Variants in KALRN observed in about 807,000 individuals in gnomAD.
The protein encoded by KALRN is kalirin RhoGEF kinase, also known as kalirin.
A neutral mutation model predicts 353.7 loss-of-function variants in KALRN; 70 were observed. The observed-to-expected ratio is 0.20, with a 90% confidence interval of 0.16 to 0.24. The LOEUF (loss-of-function observed/expected upper bound fraction) is 0.24, where lower values mean the gene tolerates loss of function less well. KALRN is among the 10% of genes least tolerant of loss of function. KALRN has a pLI of 1.00. For missense variants in KALRN, 2,791 were observed against 3,756.7 expected, an observed-to-expected ratio of 0.74 and a Z score of 6.72; for synonymous variants, 1,391 against 1,434.8, an observed-to-expected ratio of 0.97 and a Z score of 0.69.
At chr3:124,325,297 T>C (rs2079774242) in intron 6 of KALRN, among the ~76,000 whole-genome samples, 1 of 152,202 alleles carries the variant, frequency 6.6e-6, no homozygotes, top group African/African-American at 2.4e-5. Context: ...GGGGAAATCT[T>C]CCTAAATCAA....
At chr3:124,191,715 A>G (rs2074938648) in intron 1 of KALRN, among the ~76,000 whole-genome samples, 3 of 152,142 alleles carry the variant, frequency 2.0e-5, no homozygotes, top group South Asian at 4.1e-4. Context: ...TCCTCACAGC[A>G]TGGTAGTCTC....
intron 33 of KALRN, chr3:124,504,903 A>T: frequency 3.9e-6 from 2 of 507,060 alleles, no homozygotes; most frequent in Non-Finnish European, 8.1e-6. Flanking sequence ...GCAAGCCAAG[A>T]TGTTAAAGTG....
At chr3:124,296,307 G>A (rs2076841344) in intron 5 of KALRN, among the ~76,000 whole-genome samples, 1 of 152,106 alleles carries the variant, frequency 6.6e-6, no homozygotes, top group African/African-American at 2.4e-5. Context: ...TCTTTAGGCA[G>A]CATCTGTGGT....
intron 5 of KALRN, among the ~76,000 whole-genome samples, chr3:124,287,279 T>G (rs1408577806): frequency 6.6e-6 from 1 of 152,182 alleles, no homozygotes; most frequent in Non-Finnish European, 1.5e-5. Context: ...TGCTAGACTT[T>G]CTGGAGTCTT....
At position 124,634,086 on chromosome 3, in the gene KALRN, A is replaced by G. The variant is rs2081089107; in HGVS notation, c.5568+133A>G. 4.4e-6 allele frequency: 3 copies of G among 678,450 alleles called. No individual in the cohort carries two copies. The Admixed American group carries it at 7.5e-5, about 17-fold the overall frequency. The allele number at this position is 678,450 out of a possible 1,614,324, so 42.0% of individuals were successfully genotyped here. On this transcript the variant is annotated intron_variant, in intron 36 of 59. Transcript: ENST00000682506. The stretch of plus-strand genomic sequence containing the variant: ...TCCACATGAATCCATGTTGATACCA[A>G]TTGTGTCTCTATTTGGTAGGTGTCC...
chr3:124,665,320 C>T (rs1051750879), intron 45 of KALRN, among the ~76,000 whole-genome samples: 5 of 152,194 alleles, frequency 3.3e-5, no homozygotes, highest in African/African-American at 1.2e-4. Context: ...GGGCCATATT[C>T]CCTTTGAAGC....
chr3:124,080,475 T>C (rs905709135), intron 1 of KALRN, among the ~76,000 whole-genome samples: 1 of 152,206 alleles, frequency 6.6e-6, no homozygotes, highest in Non-Finnish European at 1.5e-5. Context: ...TAGATAGATA[T>C]CATCAGAAAT....
intron 5 of KALRN, among the ~76,000 whole-genome samples, chr3:124,280,538 TG>T (rs2075245024): frequency 6.6e-6 from 1 of 152,224 alleles, no homozygotes; most frequent in Non-Finnish European, 1.5e-5. Context: ...GCAGCTTTCC[TG>T]GGACCAGTTT....
chr3:124,177,877 C>T (rs1039682168), intron 1 of KALRN, among the ~76,000 whole-genome samples: 1 of 152,126 alleles, frequency 6.6e-6, no homozygotes. Context: ...GGAAATCAGC[C>T]CCAATCTAAT....
rs1480805634 is a variant in KALRN, at chr3:124,650,946, G to A, written c.5795+8G>A. ...GGCCCTGAGAGGCAGGATGTAAGTG[G>A]CTTCCCCAGTTCCTCCCTGTGGTGC... On this transcript the variant is annotated splice_region_variant and intron_variant, in intron 38 of 59. Coordinates refer to ENST00000682506, the MANE Select transcript of KALRN (RefSeq NM_001388419.1). 6.2e-7 allele frequency: 1 copy of A among 1,613,862 alleles called. No individual in the cohort carries two copies. Among genetic ancestry groups the A allele is most frequent in the Admixed American group, 1.7e-5 (1 of 60,014 alleles).
At chr3:124,351,857 G>A (rs1168674359) in intron 10 of KALRN, among the ~76,000 whole-genome samples, 2 of 152,110 alleles carry the variant, frequency 1.3e-5, no homozygotes, top group African/African-American at 4.8e-5. Flanking sequence ...AAATATTTGA[G>A]TCCTCAGTTC....
chr3:124,588,972 A>C (rs1199785655), intron 34 of KALRN, among the ~76,000 whole-genome samples: 1 of 152,162 alleles, frequency 6.6e-6, no homozygotes, highest in East Asian at 1.9e-4. Context: ...GACTTACCCA[A>C]ACTGAATCAC....
intron 21 of KALRN, among the ~76,000 whole-genome samples, chr3:124,451,518 T>C (rs772553020): frequency 5.3e-5 from 8 of 152,186 alleles, no homozygotes; most frequent in South Asian, 2.1e-4. Context: ...GAACTTTTCA[T>C]TCAAGAACTG....
intron 10 of KALRN, among the ~76,000 whole-genome samples, chr3:124,349,904 C>T (rs903616559): frequency 1.3e-5 from 2 of 152,128 alleles, no homozygotes; most frequent in Non-Finnish European, 2.9e-5. Flanking sequence ...GAGAGGGCCA[C>T]AGGTATCCCC....
chr3:124,088,383 G>A (rs929479971), intron 1 of KALRN, among the ~76,000 whole-genome samples: 3 of 152,198 alleles, frequency 2.0e-5, no homozygotes, highest in Non-Finnish European at 4.4e-5. Context: ...AGTGAGGGAA[G>A]GAGAGTGTCA....
chr3:124,557,968 T>A (rs557994239), intron 33 of KALRN, among the ~76,000 whole-genome samples: 7 of 152,224 alleles, frequency 4.6e-5, no homozygotes, highest in African/African-American at 1.7e-4. Context: ...CAAGAGTGAA[T>A]CCTCATTTTG....
chr3:124,166,868 G>A (rs577389591), intron 1 of KALRN, among the ~76,000 whole-genome samples: 8 of 151,992 alleles, frequency 5.3e-5, no homozygotes, highest in South Asian at 4.2e-4. Flanking sequence ...GTAAAACCCC[G>A]TCTCTACTTA....
At chr3:124,388,538 A>G (rs1344051784) in intron 11 of KALRN, among the ~76,000 whole-genome samples, 2 of 152,212 alleles carry the variant, frequency 1.3e-5, no homozygotes, top group Admixed American at 1.3e-4. Context: ...TAAGTATTGA[A>G]TAAATGGGTT....
chr3:124,147,464 C>T (rs1042483450), intron 1 of KALRN, among the ~76,000 whole-genome samples: 2 of 152,086 alleles, frequency 1.3e-5, no homozygotes, highest in Non-Finnish European at 2.9e-5. Flanking sequence ...CTAGTTTGGG[C>T]CTTTTATTAG....
Sources: allele counts gnomAD v4.1 joint callset (sites outside exome capture counted in the v4.1 genomes callset), GRCh38; gene constraint gnomAD v4.1.1; transcripts MANE v1.5; gene names NCBI Gene and HGNC (gene_info 2026-07-23, HGNC 2026-07-21).